Variants in MTHFD1 observed in about 807,000 individuals in gnomAD.
The protein encoded by MTHFD1 is methylenetetrahydrofolate dehydrogenase, cyclohydrolase and formyltetrahydrofolate synthetase 1.
A neutral mutation model predicts 110.3 loss-of-function variants in MTHFD1; 44 were observed. The observed-to-expected ratio is 0.40, with a 90% confidence interval of 0.31 to 0.51. MTHFD1 has a LOEUF of 0.51. Among genes scored for constraint, MTHFD1 ranks in the 20% least tolerant of loss-of-function variants. The probability of loss-of-function intolerance (pLI) is 0.60; values close to 1 mark genes in which losing one functional copy is unlikely to be tolerated. For synonymous variants in MTHFD1, 402 were observed against 428.8 expected, an observed-to-expected ratio of 0.94 and a Z score of 0.77; for missense variants, 909 against 1,173.1, an observed-to-expected ratio of 0.77 and a Z score of 3.29.
chr14:64,425,654 T>G, intron 9 of MTHFD1, 76 bp from the exon 10 acceptor site: 1 of 1,184,580 alleles, frequency 8.4e-7, no homozygotes, highest in Non-Finnish European at 1.3e-6. Context: ...TGAACTGGAG[T>G]GACCTGGAGC....
At chr14:64,453,357 A>G (rs1228088579) in intron 24 of MTHFD1, among the ~76,000 whole-genome samples, 2 of 152,090 alleles carry the variant, frequency 1.3e-5, no homozygotes, top group African/African-American at 4.8e-5. Context: ...AGATCACCTG[A>G]GGTTGGGAGT....
At chr14:64,425,495 G>A (rs938784195) in intron 9 of MTHFD1, among the ~76,000 whole-genome samples, 2 of 152,130 alleles carry the variant, frequency 1.3e-5, no homozygotes, top group African/African-American at 2.4e-5. Flanking sequence ...AGAGGTGTGA[G>A]CCACCGTGCC....
intron 15 of MTHFD1, among the ~76,000 whole-genome samples, 180 bp from the exon 16 acceptor site, chr14:64,435,389 G>A (rs919422113): frequency 6.6e-6 from 1 of 152,042 alleles, no homozygotes; most frequent in Non-Finnish European, 1.5e-5. Context: ...TTTTTGTAAT[G>A]TCTTTCTTTA....
At chr14:64,453,889 A>G (rs1330977860) in intron 25 of MTHFD1, 28 bp downstream of exon 25, 1 of 1,390,784 alleles carries the variant, frequency 7.2e-7, no homozygotes, top group East Asian at 2.3e-5. Flanking sequence ...TTGTCCTTTC[A>G]ACTCTTTGCA....
rs1228937769 is a variant in MTHFD1, at chr14:64,427,058, C to CT, written c.1128-270dup. ...CTTTCTTTTTCTTTGTCTTTTCTTT[C>CT]TTTTTTTTTCTTTAAGAGATGGGGG... On this transcript the variant is annotated intron_variant, in intron 11 of 27. Transcript: ENST00000652337. 1.7e-4 allele frequency among the ~76,000 whole-genome samples: 25 copies of CT among 150,098 alleles called. No individual in the cohort carries two copies. The South Asian group carries it at 1.7e-3, about 10-fold the overall frequency.
intron 1 of MTHFD1, among the ~76,000 whole-genome samples, chr14:64,397,104 CAAAAAAAAAAAAAAAAAAAAAAA>C (rs1189095379): frequency 4.2e-4 from 3 of 7,130 alleles, no homozygotes; most frequent in Non-Finnish European, 2.1e-4. Context: ...GACTGCGTCT[CAAAAAAAAAAAAAAAAAAAAAAA>C]AAAAAAAAAA....
intron 27 of MTHFD1, chr14:64,458,586 A>T (rs1406959503): frequency 6.5e-6 from 3 of 465,114 alleles, no homozygotes. Flanking sequence ...TACAGAGGAA[A>T]CTACAGGAGA....
chr14:64,408,754 C>G (rs2077958996), intron 2 of MTHFD1, among the ~76,000 whole-genome samples: 1 of 152,058 alleles, frequency 6.6e-6, no homozygotes, highest in Admixed American at 6.5e-5. Context: ...TGTTTGAGAC[C>G]AGCCTGGGCA....
chr14:64,440,647 G>T (rs1434678458), intron 18 of MTHFD1: 1 of 304,566 alleles, frequency 3.3e-6, no homozygotes, highest in Non-Finnish European at 6.4e-6. Context: ...GTTAAAAGTT[G>T]GTATTGAACT....
At chr14:64,394,931 G>A (rs1397994641) in intron 1 of MTHFD1, among the ~76,000 whole-genome samples, 1 of 152,178 alleles carries the variant, frequency 6.6e-6, no homozygotes, top group Non-Finnish European at 1.5e-5. Context: ...ATGATCCAGA[G>A]GGCTGCAAGG....
In MTHFD1 at chr14:64,425,122, C is replaced by T. The variant is rs561746029; in HGVS notation, c.855+191C>T. Among the ~76,000 whole-genome samples, 63 of 151,808 alleles carry T rather than the reference C, an allele frequency of 4.1e-4. 1 individual carries two copies. The South Asian group carries it at 0.012, about 29-fold the overall frequency. ...GAGGAAAGTAGGGATGGCATAATTCCAGTCTGTTTTGGAATATAATAACTT... is the reference window on the plus strand; with the variant it reads ...GAGGAAAGTAGGGATGGCATAATTCTAGTCTGTTTTGGAATATAATAACTT... On this transcript the variant is annotated intron_variant, in intron 9 of 27. Transcript: ENST00000652337.
chr14:64,416,511 T>C (rs1252446404), intron 6 of MTHFD1, among the ~76,000 whole-genome samples: 1 of 152,204 alleles, frequency 6.6e-6, no homozygotes, highest in Non-Finnish European at 1.5e-5. Flanking sequence ...TCCTGCACAG[T>C]TGGCCATATT....
rs886150069 is a variant in MTHFD1 at position 64,426,341 on chromosome 14, C to T, written c.1127+149C>T. The T allele has an allele frequency of 7.8e-6, 7 of 899,832 alleles. No individual in the cohort carries two copies. The Admixed American group carries it at 1.3e-4, about 16-fold the overall frequency. 55.7% of individuals were successfully genotyped at this position (899,832 alleles called of 1,614,324 possible). A position where few individuals can be genotyped will look rare whatever the true frequency, so the allele number is the denominator to read the frequency against. ...ATTTGATCTCATTTGATCCTTACAGCAATCCTGAGAGGTAGGTAAGAATAG... is the reference window on the plus strand; with the variant it reads ...ATTTGATCTCATTTGATCCTTACAGTAATCCTGAGAGGTAGGTAAGAATAG... On this transcript the variant is annotated intron_variant, in intron 11 of 27. Transcript: ENST00000652337.
chr14:64,415,345 G>A lies in MTHFD1; in HGVS notation c.241-13G>A, dbSNP rs368514448. The A allele has an allele frequency of 1.3e-4, 203 of 1,601,084 alleles. No homozygotes were observed. The African/African-American group carries it at 2.2e-3, about 18-fold the overall frequency. ...CTGTGTGATATACAAATTATATATG[G>A]TATTACTTTTAGGTGATGAAGTACA... On this transcript the variant is annotated splice_polypyrimidine_tract_variant and intron_variant, in intron 4 of 27. Coordinates refer to ENST00000652337, the MANE Select transcript of MTHFD1 (RefSeq NM_005956.4).
chr14:64,408,124 C>T (rs2077950956), intron 2 of MTHFD1, among the ~76,000 whole-genome samples: 1 of 152,084 alleles, frequency 6.6e-6, no homozygotes, highest in African/African-American at 2.4e-5. Context: ...GCTGCTGTGA[C>T]ACGGTATGTG....
In MTHFD1 at chr14:64,430,173, C is replaced by G. The variant is rs191566928; in HGVS notation, c.1265-11C>G. 2.5e-6 allele frequency: 4 copies of G among 1,613,446 alleles called. No individual in the cohort carries two copies. Among genetic ancestry groups the G allele is most frequent in the African/African-American group, 2.7e-5 (2 of 75,016 alleles). ...GCTTAACTGAGCTTCCACCCTTGAC[C>G]TGTCCCCTAGGTGGCGCTGCAGGAG... On this transcript the variant is annotated splice_polypyrimidine_tract_variant and intron_variant, in intron 12 of 27. Transcript: ENST00000652337.
intron 15 of MTHFD1, 51 bp downstream of exon 15, chr14:64,431,912 G>T: frequency 6.7e-7 from 1 of 1,500,378 alleles, no homozygotes; most frequent in South Asian, 1.1e-5. Context: ...TCTGGAATCT[G>T]ATCATTGATT....
chr14:64,434,952 T>TTC (rs2078193346), intron 15 of MTHFD1, among the ~76,000 whole-genome samples: 2 of 104,500 alleles, frequency 1.9e-5, no homozygotes, highest in Admixed American at 8.8e-5. Context: ...CTCTTTTCTT[T>TTC]TTTTTTTTTT....
chr14:64,423,627 C>CT (rs2078093195), intron 8 of MTHFD1, among the ~76,000 whole-genome samples: 1 of 151,708 alleles, frequency 6.6e-6, no homozygotes, highest in East Asian at 1.9e-4. Context: ...GACTCCTGAC[C>CT]TCAGGTGATC....
Sources: allele counts gnomAD v4.1 joint callset (sites outside exome capture counted in the v4.1 genomes callset), GRCh38; gene constraint gnomAD v4.1.1; transcripts MANE v1.5; gene names NCBI Gene and HGNC (gene_info 2026-07-23, HGNC 2026-07-21).